The following THRAP3 variants were observed in gnomAD, a reference collection of about 807,000 sequenced individuals.
THRAP3 encodes thyroid hormone receptor-associated protein 3.
In THRAP3, 16 loss-of-function variants were observed where a neutral mutation model predicts 101.0. The ratio of observed to expected loss-of-function variants is 0.16; its 90% CI spans 0.11 to 0.24. The LOEUF is 0.24. Ranked by LOEUF, THRAP3 falls within the 10% of genes least tolerant of loss-of-function variation. THRAP3 has a pLI of 1.00. For synonymous variants in THRAP3, 407 were observed against 422.6 expected (o/e 0.96, Z 0.45); for missense variants, 989 against 1,202.7 (o/e 0.82, Z 2.63).
At chr1:36,255,321 G>A (rs1161670714) in intron 1 of THRAP3, among the ~76,000 whole-genome samples, 1 of 152,118 alleles carries the variant, frequency 6.6e-6, no homozygotes, top group Non-Finnish European at 1.5e-5. Flanking sequence ...CTTATGTTCT[G>A]TAGTTCTCAA....
intron 1 of THRAP3, among the ~76,000 whole-genome samples, chr1:36,247,772 A>G (rs1300783564): frequency 6.6e-6 from 1 of 152,086 alleles, no homozygotes; most frequent in East Asian, 1.9e-4. Context: ...CGATCTTTGA[A>G]TATACAGTAC....
rs1367571979 is a variant in THRAP3, at chr1:36,301,617, GCAA to G, written c.2572_2574del (p.Asn858del). On this transcript the variant is annotated inframe_deletion, in exon 11 of 12. Coordinates refer to ENST00000354618, the MANE Select transcript of THRAP3 (RefSeq NM_005119.4). Reference sequence around the variant, plus strand: ...TACTCTGGGAACAATAACAACAACAGCAACAACGATTTTCAAAAAAGAAACCGG... The same window carrying G: ...TACTCTGGGAACAATAACAACAACAGCAACGATTTTCAAAAAAGAAACCGG... 4 of 1,614,142 alleles carry G rather than the reference GCAA, an allele frequency of 2.5e-6. No individual in the cohort carries two copies. The highest frequency in any genetic ancestry group is 1.7e-5 in the Admixed American group (1 of 60,018).
intron 1 of THRAP3, among the ~76,000 whole-genome samples, chr1:36,240,252 G>T (rs529970319): frequency 6.6e-6 from 1 of 152,266 alleles, no homozygotes; most frequent in South Asian, 2.1e-4. Flanking sequence ...CTCAGTCCAA[G>T]TCTAAAAGCC....
At chr1:36,288,624 T>C in intron 4 of THRAP3, 1 of 985,474 alleles carries the variant, frequency 1.0e-6, no homozygotes, top group Non-Finnish European at 1.2e-6. Flanking sequence ...TTTCCAAATG[T>C]GAGTTGTATA....
At chr1:36,263,467 A>G (rs1284895957) in intron 2 of THRAP3, among the ~76,000 whole-genome samples, 1 of 152,204 alleles carries the variant, frequency 6.6e-6, no homozygotes. Flanking sequence ...GAAAAGATTT[A>G]TCATAATGAG....
chr1:36,288,903 T>A, intron 4 of THRAP3, 157 bp from the exon 5 acceptor site: 2 of 985,378 alleles, frequency 2.0e-6, no homozygotes, highest in Non-Finnish European at 2.4e-6. Flanking sequence ...TTTTCAGAAA[T>A]TATTACGAAG....
At chr1:36,245,379 G>C (rs935817352) in intron 1 of THRAP3, among the ~76,000 whole-genome samples, 7 of 151,904 alleles carry the variant, frequency 4.6e-5, no homozygotes. Context: ...ATTTTGGCCA[G>C]GCTGGTCTCG....
intron 6 of THRAP3, among the ~76,000 whole-genome samples, chr1:36,292,264 CTTTTTTTT>C (rs774003081): frequency 5.3e-4 from 11 of 20,570 alleles, no homozygotes; most frequent in African/African-American, 1.3e-3. Context: ...TTCTTTGTTT[CTTTTTTTT>C]TTTTTTTTTT....
intron 1 of THRAP3, among the ~76,000 whole-genome samples, chr1:36,228,254 G>A (rs1224830239): frequency 2.0e-5 from 3 of 149,008 alleles, no homozygotes; most frequent in Non-Finnish European, 4.4e-5. Context: ...TTTCTCTCTT[G>A]TCACCCAGGC....
chr1:36,218,414 CAAAAAAAAAA>C, the THRAP3 span, among the ~76,000 whole-genome samples: 8 of 40,126 alleles, frequency 2.0e-4, no homozygotes, highest in Non-Finnish European at 3.5e-4. Context: ...GACTCTGTCT[CAAAAAAAAAA>C]AAAAAAAAAA....
At chr1:36,278,601 T>G (rs1645691394) in intron 2 of THRAP3, among the ~76,000 whole-genome samples, 1 of 152,290 alleles carries the variant, frequency 6.6e-6, no homozygotes, top group East Asian at 1.9e-4. Flanking sequence ...CAGAATTATA[T>G]CTGAAATCAA....
intron 2 of THRAP3, among the ~76,000 whole-genome samples, chr1:36,276,018 CTAAA>C (rs1464033243): frequency 6.6e-6 from 1 of 151,932 alleles, no homozygotes; most frequent in Non-Finnish European, 1.5e-5. Flanking sequence ...AACCCTGTCT[CTAAA>C]TAAAGTTGGA....
chr1:36,213,421 T>C, the THRAP3 span, among the ~76,000 whole-genome samples: 1 of 152,074 alleles, frequency 6.6e-6, no homozygotes, highest in South Asian at 2.1e-4. Context: ...TAAAACAGGA[T>C]GGTAGAAGAT....
At chr1:36,222,408 T>A (rs550410150), upstream of THRAP3, among the ~76,000 whole-genome samples, 25 of 152,058 alleles carry the variant, frequency 1.6e-4, no homozygotes, top group Non-Finnish European at 2.9e-4. Flanking sequence ...ATTTCTTTTT[T>A]TCTTTTCTTT....
chr1:36,261,085 G>A (rs889110213), intron 2 of THRAP3, among the ~76,000 whole-genome samples: 1 of 151,976 alleles, frequency 6.6e-6, no homozygotes, highest in Non-Finnish European at 1.5e-5. Flanking sequence ...ATACATTTAA[G>A]CATTTTGGCT....
At position 36,286,121 on chromosome 1, in the gene THRAP3, C is replaced by G. The variant is rs1057190345; in HGVS notation, c.138-247C>G. On this transcript the variant is annotated intron_variant, in intron 3 of 11. Coordinates refer to ENST00000354618, the MANE Select transcript of THRAP3 (RefSeq NM_005119.4). The surrounding 1 kb of genome is among the most constrained non-coding windows in gnomAD (Gnocchi z 5.5). ...TTTCAGTCACTGTAGAAGTACACCT[C>G]CATTTTAAATGTGCTGCAATATGAA... Among the ~76,000 whole-genome samples the G allele has an allele frequency of 1.3e-5, 2 of 152,198 alleles. No individual in the cohort carries two copies. Among genetic ancestry groups the G allele is most frequent in the African/African-American group, 4.8e-5 (2 of 41,448 alleles).
At chr1:36,280,237 CCCT>C in intron 2 of THRAP3, among the ~76,000 whole-genome samples, 1 of 152,142 alleles carries the variant, frequency 6.6e-6, no homozygotes, top group South Asian at 2.1e-4. Context: ...ATTAAAAATG[CCCT>C]CCTCAAGGAT....
intron 2 of THRAP3, among the ~76,000 whole-genome samples, chr1:36,275,866 A>G (rs1645652991): frequency 6.6e-6 from 1 of 151,840 alleles, no homozygotes; most frequent in Non-Finnish European, 1.5e-5. Flanking sequence ...ACAAAATACA[A>G]ATATTAGCCA....
chr1:36,282,087 ATT>A (rs397760717), intron 2 of THRAP3, among the ~76,000 whole-genome samples: 3 of 148,904 alleles, frequency 2.0e-5, no homozygotes, highest in Non-Finnish European at 3.0e-5. Context: ...GAAAAAAAAA[ATT>A]TTTTTTTTAA....
Sources: gnomAD v4.1 joint callset for allele counts (sites outside exome capture counted in the v4.1 genomes callset) on GRCh38, gnomAD v4.1.1 for gene constraint, Gnocchi (gnomAD v3.1) non-coding constraint, MANE v1.5 for transcripts, NCBI Gene and HGNC (gene_info 2026-07-23, HGNC 2026-07-21) for gene names.